Variants in NALF1 observed in about 807,000 individuals in gnomAD.
NALF1 encodes NALCN channel auxiliary factor 1.
A neutral mutation model predicts 48.4 loss-of-function variants in NALF1; 3 were observed. The observed-to-expected ratio is 0.06, with a 90% CI of 0.03 to 0.16. The LOEUF is 0.16. NALF1 is among the 10% of genes least tolerant of loss of function. The pLI is 1.00. For synonymous variants in NALF1, 262 were observed against 245.7 expected (o/e 1.07, Z -0.62); for missense variants, 526 against 571.5 (o/e 0.92, Z 0.81).
intron 1 of NALF1, among the ~76,000 whole-genome samples, chr13:107,722,209 T>C (rs531712220): frequency 6.6e-6 from 1 of 152,142 alleles, no homozygotes; most frequent in Non-Finnish European, 1.5e-5. Context: ...ATATCCTTTC[T>C]GTATTCAGAA....
chr13:107,404,699 A>C (rs1026185917), intron 1 of NALF1, among the ~76,000 whole-genome samples: 1 of 152,138 alleles, frequency 6.6e-6, no homozygotes, highest in African/African-American at 2.4e-5. Flanking sequence ...GTTTGCTACA[A>C]AATGAGTTTT....
At chr13:107,795,693 T>C (rs1252528338) in intron 1 of NALF1, among the ~76,000 whole-genome samples, 2 of 152,214 alleles carry the variant, frequency 1.3e-5, no homozygotes, top group African/African-American at 4.8e-5. Context: ...CTATAGTTTA[T>C]ATAGCATTTG....
chr13:107,399,385 A>G (rs1484471148), intron 1 of NALF1, among the ~76,000 whole-genome samples: 2 of 152,176 alleles, frequency 1.3e-5, no homozygotes, highest in African/African-American at 2.4e-5. Flanking sequence ...ATCAACATTC[A>G]TAACGCATCT....
At chr13:107,405,136 C>G (rs1883876921) in intron 1 of NALF1, among the ~76,000 whole-genome samples, 1 of 151,948 alleles carries the variant, frequency 6.6e-6, no homozygotes, top group African/African-American at 2.4e-5. Flanking sequence ...AAAATCAGGT[C>G]TGCTATATGG....
At chr13:107,426,566 T>C (rs1487369282) in intron 1 of NALF1, among the ~76,000 whole-genome samples, 1 of 152,142 alleles carries the variant, frequency 6.6e-6, no homozygotes, top group Non-Finnish European at 1.5e-5. Context: ...CATATTTTCA[T>C]AAGCAATCAA....
At chr13:107,292,992 C>CTTTTCCTTT (rs1262245448) in intron 1 of NALF1, among the ~76,000 whole-genome samples, 1 of 110,678 alleles carries the variant, frequency 9.0e-6, no homozygotes, top group Non-Finnish European at 1.8e-5. Context: ...TTTTCTTTTT[C>CTTTTCCTTT]TTTTTTTTTT....
rs139426300 is a variant in NALF1, at chr13:107,796,644, G to A, written c.915+69038C>T. ...TCGTTCCCCTTCCCTGCATGTTGGT[G>A]TTACTTCTCTATGCTGTTAGGGTGG... On this transcript the variant is annotated intron_variant, in intron 1 of 2. Transcript: ENST00000375915. 2.3e-3 allele frequency among the ~76,000 whole-genome samples: 343 copies of A among 152,236 alleles called. 4 individuals carry two copies. Among genetic ancestry groups the A allele is most frequent in the African/African-American group, 7.8e-3 (322 of 41,536 alleles).
At chr13:107,435,806 G>T (rs549282656) in intron 1 of NALF1, among the ~76,000 whole-genome samples, 1 of 151,196 alleles carries the variant, frequency 6.6e-6, no homozygotes, top group South Asian at 2.1e-4. Flanking sequence ...GGGAGGGGGG[G>T]AAGATACTGC....
At chr13:107,377,451 G>C (rs1455952970) in intron 1 of NALF1, among the ~76,000 whole-genome samples, 1 of 152,074 alleles carries the variant, frequency 6.6e-6, no homozygotes, top group Non-Finnish European at 1.5e-5. Context: ...TTTGCATTTT[G>C]CATCTTCCCT....
At chr13:107,538,653 A>C (rs1876911117) in intron 1 of NALF1, among the ~76,000 whole-genome samples, 2 of 152,116 alleles carry the variant, frequency 1.3e-5, no homozygotes, top group African/African-American at 4.8e-5. Context: ...CCTGTTTCTC[A>C]TTGGACAATA....
intron 1 of NALF1, among the ~76,000 whole-genome samples, chr13:107,410,466 A>C (rs774681791): frequency 1.3e-5 from 2 of 152,152 alleles, no homozygotes; most frequent in Non-Finnish European, 2.9e-5. Context: ...CAACATTCCT[A>C]TGTGGTTATT....
Position 107,165,577 on chromosome 13 carries a change from A to T in NALF1, c.*4920T>A, listed in dbSNP as rs759277736. 1.3e-5 allele frequency: 2 copies of T among 152,216 alleles called. No homozygotes were observed. The highest frequency in any genetic ancestry group is 3.8e-4 in the East Asian group (2 of 5,200). 9.4% of individuals were successfully genotyped at this position (152,216 alleles called of 1,614,324 possible). A position where few individuals can be genotyped will look rare whatever the true frequency, so the allele number is the denominator to read the frequency against. ...AGTTCATATTTTGTTTCATGCCTTA[A>T]GTTTTATTCCAAGGCTAAGAAGATT... On this transcript the variant is annotated 3_prime_UTR_variant, in exon 3 of 3. Transcript: ENST00000375915.
chr13:107,631,976 T>C (rs1233052686), intron 1 of NALF1, among the ~76,000 whole-genome samples: 1 of 152,144 alleles, frequency 6.6e-6, no homozygotes, highest in Non-Finnish European at 1.5e-5. Context: ...GTTTCAGAAA[T>C]TACAATGATG....
chr13:107,264,105 A>G (rs1430465530), intron 1 of NALF1, among the ~76,000 whole-genome samples: 2 of 152,148 alleles, frequency 1.3e-5, no homozygotes, highest in Non-Finnish European at 2.9e-5. Flanking sequence ...TGATATTCAA[A>G]TCCCCCAGTG....
chr13:107,414,048 C>A (rs76089328), intron 1 of NALF1, among the ~76,000 whole-genome samples: 33,004 of 152,100 alleles, frequency 0.22, 4,061 homozygotes, highest in Middle Eastern at 0.28. Context: ...TGGCCTCTGG[C>A]CTCCCAAAGT....
intron 1 of NALF1, among the ~76,000 whole-genome samples, chr13:107,654,317 T>C (rs1002904002): frequency 2.0e-5 from 3 of 152,168 alleles, no homozygotes; most frequent in African/African-American, 7.2e-5. Context: ...TTACTTTTAA[T>C]GGCAAAAGTA....
intron 1 of NALF1, among the ~76,000 whole-genome samples, chr13:107,288,348 T>A (rs1466584798): frequency 6.7e-6 from 1 of 149,726 alleles, no homozygotes; most frequent in South Asian, 2.1e-4. Flanking sequence ...GCCTCCCGAG[T>A]AGCTGGGATT....
intron 1 of NALF1, among the ~76,000 whole-genome samples, chr13:107,784,897 C>T (rs1044333307): frequency 2.0e-5 from 3 of 151,986 alleles, no homozygotes; most frequent in South Asian, 2.1e-4. Context: ...ATCCCACTAC[C>T]GGGTATCTAC....
At chr13:107,346,762 T>A (rs1882779616) in intron 1 of NALF1, among the ~76,000 whole-genome samples, 1 of 152,192 alleles carries the variant, frequency 6.6e-6, no homozygotes, top group African/African-American at 2.4e-5. Flanking sequence ...ATGTTATTTG[T>A]TTTTTACAAT....
Sources: gnomAD v4.1 joint callset for allele counts (sites outside exome capture counted in the v4.1 genomes callset) on GRCh38, gnomAD v4.1.1 for gene constraint, MANE v1.5 for transcripts, NCBI Gene and HGNC (gene_info 2026-07-23, HGNC 2026-07-21) for gene names.